The following LARS2 variants were observed in gnomAD, a reference collection of about 807,000 sequenced individuals.
The protein encoded by LARS2 is leucine--tRNA ligase, mitochondrial.
A neutral mutation model predicts 116.6 loss-of-function variants in LARS2; 81 were observed. That is an observed-to-expected ratio of 0.69 (90% CI 0.58 to 0.84). The LOEUF is 0.84. Among genes scored for constraint, LARS2 ranks in the 40% least tolerant of loss-of-function variants. LARS2 has a pLI of 0.00. For synonymous variants in LARS2, 396 were observed against 407.2 expected (o/e 0.97, Z 0.33); for missense variants, 968 against 1,114.5 (o/e 0.87, Z 1.87).
rs75240042 is a variant in LARS2, at chr3:45,400,233, G to A, written c.235-12G>A. 3.6e-4 allele frequency: 583 copies of A among 1,611,100 alleles called. 4 individuals are homozygous for A. The African/African-American group carries it at 4.7e-3, about 13-fold the overall frequency. On this transcript the variant is annotated splice_polypyrimidine_tract_variant and intron_variant, in intron 3 of 21. Transcript: ENST00000645846. The stretch of plus-strand genomic sequence containing the variant: ...AAATGCTTAATAAATACTCATTGTC[G>A]TTCTTTCCTAGAAATCGAAGCCAAA...
chr3:45,437,867 T>C (rs938880737), intron 6 of LARS2, among the ~76,000 whole-genome samples: 4 of 152,136 alleles, frequency 2.6e-5, no homozygotes, highest in East Asian at 3.9e-4. Flanking sequence ...AACCCTTTCA[T>C]AGGGAGACCT....
At chr3:45,534,779 C>A (rs527520010) in intron 20 of LARS2, among the ~76,000 whole-genome samples, 7 of 152,336 alleles carry the variant, frequency 4.6e-5, no homozygotes, top group African/African-American at 1.4e-4. Flanking sequence ...CTATCAATTG[C>A]TTAAAGAGTA....
Position 45,496,344 on chromosome 3 carries a change from C to G in LARS2, c.1593C>G (p.Phe531Leu). Residue 531 changes from phenylalanine (F) to leucine (L), a missense_variant, in exon 14 of 22, where the codon TTC becomes TTG. By Grantham distance (22) the Phe-to-Leu change is conservative. Coordinates refer to ENST00000645846, the MANE Select transcript of LARS2 (RefSeq NM_015340.4). ...TTGTTGATTCTGCTTGGTACTACTT[C>G]AGATACACTGACCCTCATAATCCAC... ...DTFVDSAWYY[F>L]RYTDPHNPHS... is the part of the protein sequence containing the mutation. The G allele has an allele frequency of 6.2e-7, 1 of 1,613,918 alleles. No individual in the cohort carries two copies. The highest frequency in any genetic ancestry group is 2.2e-5 in the East Asian group (1 of 44,876).
rs185362080 is a variant in LARS2 at position 45,407,243 on chromosome 3, G to A, written c.363+6870G>A. On this transcript the variant is annotated intron_variant, in intron 4 of 21. Transcript: ENST00000645846. ...TCTTAGCAAGTAAACAATAATGTAC[G>A]TTCCATCAGTTTTCAGTTTGCCAGT... 5.9e-5 allele frequency among the ~76,000 whole-genome samples: 9 copies of A among 152,284 alleles called. No homozygotes were observed. In the East Asian group the frequency reaches 1.3e-3, roughly 23 times the overall value.
At chr3:45,495,032 C>T (rs1699987038) in intron 13 of LARS2, among the ~76,000 whole-genome samples, 2 of 152,196 alleles carry the variant, frequency 1.3e-5, no homozygotes, top group Admixed American at 6.5e-5. Flanking sequence ...CGAGCCACTG[C>T]ACTCCAGCCC....
chr3:45,425,895 C>CT (rs71095035), intron 6 of LARS2, among the ~76,000 whole-genome samples: 2,973 of 138,950 alleles, frequency 0.021, 94 homozygotes, highest in African/African-American at 0.073. Flanking sequence ...TCTTATAAGC[C>CT]TTTTTTTTTT....
chr3:45,501,045 G>A (rs1575296493), intron 15 of LARS2, among the ~76,000 whole-genome samples: 2 of 150,228 alleles, frequency 1.3e-5, no homozygotes. Flanking sequence ...TTGGCCTATT[G>A]TAACCCTTTC....
chr3:45,474,193 TTAAA>T, intron 8 of LARS2, 46 bp from the exon 9 acceptor site: 1 of 1,231,578 alleles, frequency 8.1e-7, no homozygotes. Context: ...TTGCTTTTTC[TTAAA>T]TAAGCCTTGT....
At chr3:45,461,782 T>C (rs1250180333) in intron 8 of LARS2, among the ~76,000 whole-genome samples, 1 of 152,064 alleles carries the variant, frequency 6.6e-6, no homozygotes, top group East Asian at 1.9e-4. Context: ...GAAGAGAGTA[T>C]GTAGGAGATG....
chr3:45,543,779 A>G (rs955732132), intron 21 of LARS2, among the ~76,000 whole-genome samples: 1 of 152,154 alleles, frequency 6.6e-6, no homozygotes, highest in African/African-American at 2.4e-5. Flanking sequence ...CCAGAAATTT[A>G]TTTAATTTGA....
At chr3:45,480,916 C>A (rs1181048347) in intron 10 of LARS2, among the ~76,000 whole-genome samples, 5 of 152,114 alleles carry the variant, frequency 3.3e-5, no homozygotes, top group African/African-American at 1.2e-4. Context: ...CATATAAGAA[C>A]CTACTTAATA....
At chr3:45,547,142 C>T (rs1338982389) in intron 21 of LARS2, among the ~76,000 whole-genome samples, 1 of 152,222 alleles carries the variant, frequency 6.6e-6, no homozygotes, top group Non-Finnish European at 1.5e-5. Context: ...GTGTCGGTCT[C>T]TTTCTGCAGG....
intron 13 of LARS2, 123 bp from the exon 14 acceptor site, chr3:45,496,152 C>T (rs1236547876): frequency 1.3e-6 from 1 of 757,102 alleles, no homozygotes; most frequent in Non-Finnish European, 2.2e-6. Flanking sequence ...AGCCACCACA[C>T]CCAGCCTGTG....
At chr3:45,477,101 C>T (rs1227269098) in intron 10 of LARS2, among the ~76,000 whole-genome samples, 1 of 152,184 alleles carries the variant, frequency 6.6e-6, no homozygotes, top group Non-Finnish European at 1.5e-5. Context: ...TGAGCAGTGT[C>T]CTGCTCCATA....
intron 6 of LARS2, among the ~76,000 whole-genome samples, chr3:45,424,758 T>C (rs886931270): frequency 3.3e-5 from 5 of 152,256 alleles, no homozygotes; most frequent in African/African-American, 1.2e-4. Flanking sequence ...TAATTTTGCC[T>C]GGTGCTCAGT....
chr3:45,476,402 G>A (rs1333970405), intron 9 of LARS2, 66 bp from the exon 10 acceptor site: 1 of 1,541,174 alleles, frequency 6.5e-7, no homozygotes, highest in African/African-American at 1.4e-5. Context: ...AGGGGATACA[G>A]TTAGGGAGCA....
intron 18 of LARS2, 27 bp downstream of exon 18, chr3:45,518,099 T>A (rs1198328119): frequency 6.3e-7 from 1 of 1,576,662 alleles, no homozygotes; most frequent in Admixed American, 1.8e-5. Context: ...TTCCAGGGGT[T>A]AACTCTGTAA....
In LARS2 at chr3:45,547,372, A is replaced by G. The variant is rs750297160; in HGVS notation, c.2554A>G (p.Lys852Glu). 1 of 1,610,032 alleles carries G rather than the reference A, an allele frequency of 6.2e-7. No homozygotes were observed. Among genetic ancestry groups the G allele is most frequent in the South Asian group, 1.1e-5 (1 of 90,532 alleles). ...AVLINNKACG[K>E]IPVPQQVARD... ...TCAGATCAACAATAAAGCTTGTGGC[A>G]AAATTCCTGTGCCCCAACAAGTTGC... Residue 852 changes from lysine (K) to glutamate (E), a missense_variant, in exon 22 of 22, where the codon AAA (lysine) becomes GAA (glutamate). Lys to Glu is a moderately conservative substitution (Grantham distance 56). Coordinates refer to ENST00000645846, the MANE Select transcript of LARS2 (RefSeq NM_015340.4).
chr3:45,405,290 A>G lies in LARS2; in HGVS notation c.363+4917A>G, dbSNP rs17077774. On this transcript the variant is annotated intron_variant, in intron 4 of 21. Transcript: ENST00000645846. Reference sequence around the variant, plus strand: ...TTTTTAATGGTCAAATGTAACTAACATGTTTTTAGGTCTACAGCCTATAAG... The same window carrying G: ...TTTTTAATGGTCAAATGTAACTAACGTGTTTTTAGGTCTACAGCCTATAAG... Among the ~76,000 whole-genome samples, 745 of 152,256 alleles carry G rather than the reference A, an allele frequency of 4.9e-3. 15 individuals are homozygous for G. The East Asian group carries it at 0.055, about 11-fold the overall frequency.
Sources: allele counts gnomAD v4.1 joint callset (sites outside exome capture counted in the v4.1 genomes callset), GRCh38; gene constraint gnomAD v4.1.1; transcripts MANE v1.5; gene names NCBI Gene and HGNC (gene_info 2026-07-23, HGNC 2026-07-21).